NUP214: variants seen among roughly 807,000 people sequenced by gnomAD.
The protein encoded by NUP214 is nucleoporin 214.
A neutral mutation model predicts 196.2 loss-of-function variants in NUP214; 79 were observed. That is an observed-to-expected ratio of 0.40 (90% CI 0.34 to 0.49). The LOEUF is 0.49. NUP214 is among the 20% of genes least tolerant of loss of function. The pLI, the probability that NUP214 is intolerant of heterozygous loss-of-function variation, is 0.58. For synonymous variants in NUP214, 1,020 were observed against 990.5 expected, an observed-to-expected ratio of 1.03 and a Z score of -0.56; for missense variants, 2,468 against 2,539.0, an observed-to-expected ratio of 0.97 and a Z score of 0.60.
intron 9 of NUP214, among the ~76,000 whole-genome samples, chr9:131,137,040 GCT>G (rs1297795747): frequency 6.6e-6 from 1 of 152,194 alleles, no homozygotes; most frequent in Non-Finnish European, 1.5e-5. Flanking sequence ...GAGGGCCATG[GCT>G]CTCATTGTCT....
intron 31 of NUP214, 78 bp downstream of exon 31, chr9:131,215,446 T>C: frequency 7.6e-7 from 1 of 1,319,416 alleles, no homozygotes; most frequent in East Asian, 2.8e-5. Context: ...AAAGCTTCAG[T>C]GACAAATATA....
chr9:131,157,459 GTTTTTTTTTT>G (rs146677149), intron 17 of NUP214, among the ~76,000 whole-genome samples: 4 of 74,676 alleles, frequency 5.4e-5, no homozygotes, highest in African/African-American at 2.2e-4. Context: ...TGTGTCTGGC[GTTTTTTTTTT>G]TTTTTTTTTT....
At chr9:131,174,432 CTTT>C (rs371376407) in intron 22 of NUP214, 114 bp downstream of exon 22, 14 of 386,278 alleles carry the variant, frequency 3.6e-5, no homozygotes, top group African/African-American at 2.3e-4. Flanking sequence ...CTCCAGCCCA[CTTT>C]TTTTTTTTTT....
chr9:131,140,024 G>A (rs1272693019), intron 10 of NUP214, among the ~76,000 whole-genome samples: 1 of 152,216 alleles, frequency 6.6e-6, no homozygotes, highest in Non-Finnish European at 1.5e-5. Context: ...TTAGGCAGGA[G>A]TATTTGTTCT....
At chr9:131,142,057 A>G (rs1831932466) in intron 11 of NUP214, among the ~76,000 whole-genome samples, 2 of 152,282 alleles carry the variant, frequency 1.3e-5, no homozygotes, top group Admixed American at 1.3e-4. Flanking sequence ...CACTACCCCA[A>G]GTGATATACC....
chr9:131,210,104 A>G (rs1429320713), intron 30 of NUP214, among the ~76,000 whole-genome samples: 1 of 152,344 alleles, frequency 6.6e-6, no homozygotes, highest in African/African-American at 2.4e-5. Context: ...TAGGAAAAGC[A>G]TTAATGTTCT....
chr9:131,230,982 A>G (rs773281827), intron 34 of NUP214, among the ~76,000 whole-genome samples: 9 of 152,046 alleles, frequency 5.9e-5, no homozygotes, highest in South Asian at 2.1e-4. Flanking sequence ...GCAACATGGC[A>G]AGACTCCATT....
chr9:131,201,791 A>G, intron 30 of NUP214, 74 bp downstream of exon 30: 1 of 1,271,560 alleles, frequency 7.9e-7, no homozygotes, highest in South Asian at 1.2e-5. Context: ...TAATGTAGTC[A>G]GTTCGTGTTG....
chr9:131,198,123 T>C lies in NUP214; in HGVS notation c.4629T>C (p.Leu1543=). 1.2e-6 allele frequency: 2 copies of C among 1,614,230 alleles called. No homozygotes were observed. Among genetic ancestry groups the C allele is most frequent in the Non-Finnish European group, 1.7e-6 (2 of 1,180,034 alleles). The change falls in exon 29 of 36, where the codon CTT becomes CTC. Residue 1543 remains leucine (L), a synonymous_variant. Transcript: ENST00000359428. ...ACTCTGTTAAAAAAGAACCTGTTCT[T>C]GCCCAGCCTGCAGTCAGCAACTCTG... ...TSDSVKKEPV[L]AQPAVSNSGT... is the part of the protein sequence containing the mutation.
intron 19 of NUP214, 82 bp downstream of exon 19, chr9:131,163,255 G>T (rs1407428033): frequency 6.6e-6 from 9 of 1,366,030 alleles, no homozygotes; most frequent in South Asian, 1.4e-5. Context: ...TTCAGATATG[G>T]GTTTGCAAGT....
chr9:131,174,784 A>G (rs945837742), intron 22 of NUP214, among the ~76,000 whole-genome samples: 1 of 152,106 alleles, frequency 6.6e-6, no homozygotes, highest in African/African-American at 2.4e-5. Context: ...TATTCTAGAA[A>G]TTAGAAGACT....
intron 32 of NUP214, 79 bp from the exon 33 acceptor site, chr9:131,228,081 C>A: frequency 7.4e-7 from 1 of 1,356,772 alleles, no homozygotes; most frequent in Non-Finnish European, 9.8e-7. Context: ...GATTTGGTTT[C>A]TCATTGCTCA....
chr9:131,204,500 C>T (rs546692574), intron 30 of NUP214, among the ~76,000 whole-genome samples: 1 of 152,180 alleles, frequency 6.6e-6, no homozygotes, highest in African/African-American at 2.4e-5. Flanking sequence ...CAGAAGCAGC[C>T]GTAGACAATA....
chr9:131,230,643 A>C lies in NUP214; in HGVS notation c.6088A>C (p.Ser2030Arg). The change falls in exon 34 of 36, where the codon AGC (serine) becomes CGC (arginine). Residue 2030 changes from serine to arginine, a missense_variant. Ser to Arg is a moderately radical substitution (Grantham distance 110). Around this residue, in one of 5 missense-constraint regions of NUP214, gnomAD observed 262 missense variants for 296.5 expected, o/e 0.88. Transcript: ENST00000359428. ...ACTGGAGCGCAGGTTTGGGAGCAGC[A>C]GCAACACCACATCCTTCGGCACGCT... ...SAGGFGFGSS[S>R]NTTSFGTLAS... is the part of the protein sequence containing the mutation. 1 of 1,614,098 alleles carries C rather than the reference A, an allele frequency of 6.2e-7. No homozygotes were observed. The highest frequency in any genetic ancestry group is 1.1e-5 in the South Asian group (1 of 91,080).
At chr9:131,215,415 T>C (rs765150500) in intron 31 of NUP214, 47 bp downstream of exon 31, 1 of 1,467,534 alleles carries the variant, frequency 6.8e-7, no homozygotes, top group South Asian at 1.4e-5. Flanking sequence ...CTAATGCCAT[T>C]GTCATTCTTA....
At chr9:131,197,035 G>A (rs1181230856) in intron 28 of NUP214, among the ~76,000 whole-genome samples, 181 bp from the exon 29 acceptor site, 1 of 152,168 alleles carries the variant, frequency 6.6e-6, no homozygotes, top group Non-Finnish European at 1.5e-5. Context: ...ACGACTCAGA[G>A]CTGATGTTTG....
chr9:131,163,781 G>T lies in NUP214; in HGVS notation c.2724-89G>T, dbSNP rs577420938. ...TATATTGGGGATATTCTCATGTCTT[G>T]CATTTATATTTAAGAGGATAGTGTA... On this transcript the variant is annotated intron_variant, in intron 19 of 35. Transcript: ENST00000359428. The T allele has an allele frequency of 2.6e-5, 22 of 856,920 alleles. No homozygotes were observed. In the East Asian group the frequency reaches 5.3e-4, roughly 21 times the overall value. 53.1% of individuals were successfully genotyped at this position (856,920 alleles called of 1,614,324 possible). A position where few individuals can be genotyped will look rare whatever the true frequency, so the allele number is the denominator to read the frequency against.
chr9:131,190,642 C>T (rs1833572218), intron 26 of NUP214: 1 of 516,474 alleles, frequency 1.9e-6, no homozygotes. Flanking sequence ...CATTGTTTTT[C>T]TGATTGTAAA....
At chr9:131,190,180 G>C (rs1455844010) in intron 26 of NUP214, 5 of 367,544 alleles carry the variant, frequency 1.4e-5, no homozygotes, top group African/African-American at 2.1e-5. Flanking sequence ...GAGGTATCTA[G>C]CACTTCTCGA....
Sources: allele counts gnomAD v4.1 joint callset (sites outside exome capture counted in the v4.1 genomes callset), GRCh38; gene constraint gnomAD v4.1.1; regional missense constraint gnomAD v4.1.1; transcripts MANE v1.5; gene names NCBI Gene and HGNC (gene_info 2026-07-23, HGNC 2026-07-21).